The following SHISA9 variants were observed in gnomAD, a reference collection of about 807,000 sequenced individuals.
SHISA9 encodes shisa family member 9.
In SHISA9, 13 loss-of-function variants were observed where a neutral mutation model predicts 38.0. That is an observed-to-expected ratio of 0.34 (90% CI 0.22 to 0.54). The LOEUF (loss-of-function observed/expected upper bound fraction) is 0.54, where lower values mean the gene tolerates loss of function less well. SHISA9 is among the 20% of genes least tolerant of loss of function. The probability of loss-of-function intolerance (pLI) is 0.91; values close to 1 mark genes in which losing one functional copy is unlikely to be tolerated. For missense variants in SHISA9, 538 were observed against 575.8 expected (o/e 0.93, Z 0.67); for synonymous variants, 275 against 242.0 (o/e 1.14, Z -1.27).
At chr16:13,444,693 G>A in the SHISA9 span, among the ~76,000 whole-genome samples, 1 of 151,966 alleles carries the variant, frequency 6.6e-6, no homozygotes, top group Admixed American at 6.6e-5. Context: ...TTCTCCACCT[G>A]GTTAACCCTT....
the SHISA9 span, among the ~76,000 whole-genome samples, chr16:13,444,089 T>C: frequency 1.7e-5 from 1 of 58,822 alleles, no homozygotes; most frequent in African/African-American, 7.2e-5. Context: ...TGCTGTTAAA[T>C]ATTAGAAAAT....
chr16:13,109,555 A>G (rs1212631643), intron 2 of SHISA9, among the ~76,000 whole-genome samples: 5 of 152,236 alleles, frequency 3.3e-5, no homozygotes, highest in African/African-American at 9.6e-5. Flanking sequence ...CATAACATCA[A>G]ATTCACCCAT....
At chr16:13,260,018 T>C in the SHISA9 span, among the ~76,000 whole-genome samples, 5 of 111,960 alleles carry the variant, frequency 4.5e-5, no homozygotes, top group East Asian at 6.7e-4. Flanking sequence ...TTTTTTTTTT[T>C]TTTTTTTTTT....
At chr16:13,330,653 C>T in the SHISA9 span, among the ~76,000 whole-genome samples, 1 of 152,198 alleles carries the variant, frequency 6.6e-6, no homozygotes, top group African/African-American at 2.4e-5. Context: ...GTAGACATTG[C>T]TCTGTCTTGA....
At chr16:13,136,421 G>A (rs1359861984) in intron 2 of SHISA9, among the ~76,000 whole-genome samples, 2 of 38,268 alleles carry the variant, frequency 5.2e-5, no homozygotes, top group Non-Finnish European at 1.1e-4. Flanking sequence ...TTTTTTTTTT[G>A]GAGTTTCGCT....
the SHISA9 span, among the ~76,000 whole-genome samples, chr16:13,539,049 A>G: frequency 3.0e-4 from 46 of 152,114 alleles, no homozygotes; most frequent in African/African-American, 1.1e-3. Flanking sequence ...ATGAGTCCCA[A>G]TGTTTTCTGA....
chr16:13,562,370 C>T, the SHISA9 span, among the ~76,000 whole-genome samples: 1 of 152,282 alleles, frequency 6.6e-6, no homozygotes, highest in East Asian at 1.9e-4. Context: ...TGGCTCATGC[C>T]TGTAATCCCA....
At chr16:13,051,174 G>A (rs890251307) in intron 2 of SHISA9, among the ~76,000 whole-genome samples, 1 of 152,192 alleles carries the variant, frequency 6.6e-6, no homozygotes, top group Non-Finnish European at 1.5e-5. Context: ...GAGGTTGAAT[G>A]GACTCACAGT....
chr16:13,364,249 T>A, the SHISA9 span, among the ~76,000 whole-genome samples: 1 of 152,108 alleles, frequency 6.6e-6, no homozygotes, highest in Non-Finnish European at 1.5e-5. Context: ...ACTGAAAACA[T>A]GAAATAGACC....
the SHISA9 span, among the ~76,000 whole-genome samples, chr16:13,330,977 C>T: frequency 5.3e-5 from 8 of 152,296 alleles, no homozygotes; most frequent in East Asian, 1.9e-4. Context: ...GTGATCCTAG[C>T]GCCCAGCCTA....
At chr16:13,274,224 T>C in the SHISA9 span, among the ~76,000 whole-genome samples, 1 of 152,200 alleles carries the variant, frequency 6.6e-6, no homozygotes, top group Non-Finnish European at 1.5e-5. Context: ...GGCCATCATC[T>C]TGAGTTGTCT....
At chr16:13,039,611 A>T (rs1313033076) in intron 2 of SHISA9, among the ~76,000 whole-genome samples, 3 of 151,804 alleles carry the variant, frequency 2.0e-5, no homozygotes, top group Non-Finnish European at 4.4e-5. Flanking sequence ...CTGGAAGATG[A>T]ATTGGAGCTG....
the SHISA9 span, among the ~76,000 whole-genome samples, chr16:13,265,647 C>G: frequency 6.7e-6 from 1 of 148,606 alleles, no homozygotes; most frequent in Admixed American, 6.8e-5. Context: ...CTCCTCTCCT[C>G]TCATTCATTC....
the SHISA9 span, among the ~76,000 whole-genome samples, chr16:13,255,221 C>T: frequency 2.6e-5 from 4 of 151,938 alleles, no homozygotes; most frequent in East Asian, 1.9e-4. Flanking sequence ...GTTCCTCTTC[C>T]TCTCCCTCAA....
the SHISA9 span, among the ~76,000 whole-genome samples, chr16:13,330,662 G>C: frequency 7.9e-5 from 12 of 152,264 alleles, no homozygotes; most frequent in Admixed American, 4.6e-4. Flanking sequence ...GCTCTGTCTT[G>C]ATATTCTAAT....
chr16:13,177,647 TCACGGTG>T (rs747939344), intron 2 of SHISA9, among the ~76,000 whole-genome samples: 2,627 of 152,050 alleles, frequency 0.017, 40 homozygotes, highest in Non-Finnish European at 0.026. Flanking sequence ...AGAACTAGGT[TCACGGTG>T]TTTTTGTTTG....
At chr16:12,945,706 G>A (rs1567348394) in intron 2 of SHISA9, among the ~76,000 whole-genome samples, 1 of 152,214 alleles carries the variant, frequency 6.6e-6, no homozygotes, top group Non-Finnish European at 1.5e-5. Flanking sequence ...ATCTTATAGG[G>A]TTGTTTTGAG....
intron 2 of SHISA9, among the ~76,000 whole-genome samples, chr16:13,024,416 G>A (rs1293522909): frequency 6.6e-6 from 1 of 152,224 alleles, no homozygotes; most frequent in Non-Finnish European, 1.5e-5. Flanking sequence ...TCTTGAGGTG[G>A]GGATGTGGTG....
chr16:13,048,607 AAATAG>A (rs1428550783), intron 2 of SHISA9, among the ~76,000 whole-genome samples: 1 of 152,208 alleles, frequency 6.6e-6, no homozygotes, highest in African/African-American at 2.4e-5. Flanking sequence ...TTTTTAATAG[AAATAG>A]GGTTTTACCA....
Sources: allele counts gnomAD v4.1 joint callset (sites outside exome capture counted in the v4.1 genomes callset), GRCh38; gene constraint gnomAD v4.1.1; transcripts MANE v1.5; gene names NCBI Gene and HGNC (gene_info 2026-07-23, HGNC 2026-07-21).